TTLL8: variants seen among roughly 807,000 people sequenced by gnomAD.
TTLL8 encodes tubulin tyrosine ligase like 8, also known as protein monoglycylase TTLL8.
In TTLL8, 65 loss-of-function variants were observed where a neutral mutation model predicts 77.8. The observed-to-expected ratio is 0.84, with a 90% CI of 0.68 to 1.03. The LOEUF is 1.03. TTLL8 is among the 50% of genes least tolerant of loss of function. The pLI is 0.00. For missense variants in TTLL8, 910 were observed against 1,004.5 expected (o/e 0.91, Z 1.27); for synonymous variants, 402 against 422.8 (o/e 0.95, Z 0.60).
upstream of TTLL8, among the ~76,000 whole-genome samples, chr22:50,055,952 A>C (rs1419148555): frequency 1.3e-5 from 2 of 152,212 alleles, no homozygotes. Context: ...AGGTCGGCAC[A>C]AGACACAGGT....
exon 3 of TTLL8, chr22:50,049,268 T>C: frequency 7.3e-7 from 1 of 1,367,720 alleles, no homozygotes; most frequent in Non-Finnish European, 9.8e-7. Context: ...GTGGATGTTG[T>C]CTGTTTTCTC....
Position 50,033,330 on chromosome 22 carries a change from G to A in TTLL8, c.1155C>T (p.Ile385=), listed in dbSNP as rs373775570. 101 of 1,365,258 alleles carry A rather than the reference G, an allele frequency of 7.4e-5. No homozygotes were observed. The African/African-American group carries it at 1.3e-3, about 17-fold the overall frequency. The allele number at this position is 1,365,258 out of a possible 1,614,324, so 84.6% of individuals were successfully genotyped here. A position where few individuals can be genotyped will look rare whatever the true frequency, so the allele number is the denominator to read the frequency against. ...GTCTGATGTCGAACTTGGTGTCACA[G>A]ATGAGCAGCGGCGTCTCGATGTACT... The change falls in exon 10 of 14, where the codon ATC becomes ATT. Residue 385 remains isoleucine (I), a synonymous_variant. Transcript: ENST00000266182.
chr22:50,030,971 G>C (rs773896492), intron 11 of TTLL8, 46 bp from the exon 13 acceptor site: 11 of 1,291,384 alleles, frequency 8.5e-6, no homozygotes, highest in African/African-American at 1.5e-5. Context: ...GGCCGGGATA[G>C]GGGGGGTCCC....
At chr22:50,033,407 G>T (rs1251397183) in exon 10 of TTLL8, 1 of 1,365,314 alleles carries the variant, frequency 7.3e-7, no homozygotes, top group East Asian at 4.6e-5. Flanking sequence ...GCAGCTGCCA[G>T]CTCCAGGATC....
At chr22:50,028,625 C>CA in intron 12 of TTLL8, among the ~76,000 whole-genome samples, 1 of 121,744 alleles carries the variant, frequency 8.2e-6, no homozygotes, top group African/African-American at 2.9e-5. Flanking sequence ...CCTGAAGACC[C>CA]CCACATACCC....
At chr22:50,023,069 C>T (rs947336722) in intron 12 of TTLL8, among the ~76,000 whole-genome samples, 1 of 152,088 alleles carries the variant, frequency 6.6e-6, no homozygotes, top group African/African-American at 2.4e-5. Flanking sequence ...GACACAGTGT[C>T]CATGTACAAA....
At chr22:50,039,153 C>T (rs1218426677) in intron 8 of TTLL8, among the ~76,000 whole-genome samples, 2 of 152,088 alleles carry the variant, frequency 1.3e-5, no homozygotes, top group Admixed American at 6.6e-5. Flanking sequence ...TGATATCAGG[C>T]TTTTCTGGCC....
intron 8 of TTLL8, among the ~76,000 whole-genome samples, chr22:50,039,773 T>C (rs2146668904): frequency 6.6e-6 from 1 of 151,016 alleles, no homozygotes; most frequent in South Asian, 2.1e-4. Context: ...GGACCTCATG[T>C]GTGCCAGTGT....
At chr22:50,028,769 G>A (rs1242282225) in intron 12 of TTLL8, among the ~76,000 whole-genome samples, 1 of 28,034 alleles carries the variant, frequency 3.6e-5, no homozygotes, top group Non-Finnish European at 7.4e-5. Flanking sequence ...ACATACCCTC[G>A]TAAAGACCCC....
Position 50,041,945 on chromosome 22 carries a change from A to G in TTLL8, c.644-138T>C, listed in dbSNP as rs186756063. On this transcript the variant is annotated intron_variant, in intron 6 of 13. Transcript: ENST00000266182. This position sits in a 1 kb window ranked among gnomAD's most constrained non-coding sequence, Gnocchi z 4.3. Reference sequence around the variant, plus strand: ...CCCCAATACCCAACAAGTATCCCAGATCCCCAGACAGGCACCCCAATACCC... The same window carrying G: ...CCCCAATACCCAACAAGTATCCCAGGTCCCCAGACAGGCACCCCAATACCC... 1 of 768,714 alleles carries G rather than the reference A, an allele frequency of 1.3e-6. No individual in the cohort carries two copies. Among genetic ancestry groups the G allele is most frequent in the African/African-American group, 1.9e-5 (1 of 54,020 alleles). 47.6% of individuals were successfully genotyped at this position (768,714 alleles called of 1,614,324 possible).
At chr22:50,030,316 G>T (rs768787008) in intron 12 of TTLL8, 114 bp downstream of exon 13, 1 of 1,128,800 alleles carries the variant, frequency 8.9e-7, no homozygotes, top group Non-Finnish European at 1.1e-6. Context: ...CCGGGCCCCA[G>T]CACCGAAGCC....
exon 12 of TTLL8, chr22:50,030,441 G>A (rs771208580): frequency 2.0e-5 from 27 of 1,333,118 alleles, no homozygotes; most frequent in Non-Finnish European, 2.7e-5. Context: ...TTTTCCTCCG[G>A]GCGGCGGACG....
chr22:50,025,955 T>C (rs2061227663), intron 12 of TTLL8, among the ~76,000 whole-genome samples: 1 of 152,114 alleles, frequency 6.6e-6, no homozygotes, highest in South Asian at 2.1e-4. Context: ...GCCACAACCA[T>C]ATTGGAAATG....
upstream of TTLL8, chr22:50,056,908 A>G (rs1342637127): frequency 7.8e-7 from 1 of 1,289,550 alleles, no homozygotes; most frequent in Non-Finnish European, 1.0e-6. This position sits in a 1 kb window ranked among gnomAD's most constrained non-coding sequence, Gnocchi z 4.1. Flanking sequence ...GAAGAAGCCA[A>G]CGATAGCCCC....
intron 10 of TTLL8, chr22:50,032,995 G>A (rs2061308463): frequency 4.7e-5 from 13 of 275,162 alleles, no homozygotes; most frequent in Non-Finnish European, 5.5e-5. Flanking sequence ...GGTGTAGGGC[G>A]CTGGCTTTGA....
chr22:50,055,743 T>C (rs929522746), upstream of TTLL8, among the ~76,000 whole-genome samples: 2 of 151,050 alleles, frequency 1.3e-5, no homozygotes, highest in African/African-American at 4.9e-5. Context: ...CCAGCAAAAT[T>C]CATCCACAGT....
At chr22:50,049,084 C>T (rs1481706838) in intron 3 of TTLL8, 165 bp downstream of exon 5, 5 of 933,978 alleles carry the variant, frequency 5.4e-6, no homozygotes, top group Non-Finnish European at 5.1e-6. Flanking sequence ...CCCCTGGGGG[C>T]AGCCAGGCCC....
intron 1 of TTLL8, among the ~76,000 whole-genome samples, chr22:50,054,407 C>T (rs550596775): frequency 1.3e-5 from 2 of 152,168 alleles, no homozygotes; most frequent in East Asian, 3.9e-4. Context: ...AAAGGTAAGG[C>T]CTCCCTCTCC....
At chr22:50,030,969 TA>T (rs755542362) in intron 11 of TTLL8, 44 bp from the exon 13 acceptor site, 153 of 1,296,416 alleles carry the variant, frequency 1.2e-4, no homozygotes, top group African/African-American at 1.2e-3. Flanking sequence ...GTGGCCGGGA[TA>T]GGGGGGGTCC....
Sources: gnomAD v4.1 joint callset for allele counts (sites outside exome capture counted in the v4.1 genomes callset) on GRCh38, gnomAD v4.1.1 for gene constraint, Gnocchi (gnomAD v3.1) non-coding constraint, MANE v1.5 for transcripts, NCBI Gene and HGNC (gene_info 2026-07-23, HGNC 2026-07-21) for gene names.